The following SND1 variants were observed in gnomAD, a reference collection of about 807,000 sequenced individuals.
The protein encoded by SND1 is staphylococcal nuclease domain-containing protein 1.
Under a neutral mutation model 121.7 loss-of-function variants are expected in SND1, and 38 were observed. The ratio of observed to expected loss-of-function variants is 0.31; its 90% CI spans 0.24 to 0.41. The LOEUF (loss-of-function observed/expected upper bound fraction) is 0.41. Ranked by LOEUF, SND1 falls within the 10% of genes least tolerant of loss-of-function variation. SND1 has a pLI of 1.00. For missense variants in SND1, 868 were observed against 1,184.6 expected, an observed-to-expected ratio of 0.73 and a Z score of 3.92; for synonymous variants, 401 against 447.4, an observed-to-expected ratio of 0.90 and a Z score of 1.31.
At chr7:127,742,055 A>G (rs1796889876) in intron 10 of SND1, among the ~76,000 whole-genome samples, 1 of 152,210 alleles carries the variant, frequency 6.6e-6, no homozygotes, top group Non-Finnish European at 1.5e-5. Context: ...TCTTGCAGGG[A>G]CTTCAGAAAG....
chr7:128,091,242 CT>C (rs1190895110), intron 22 of SND1, among the ~76,000 whole-genome samples: 2 of 152,134 alleles, frequency 1.3e-5, no homozygotes, highest in African/African-American at 4.8e-5. Context: ...GGTTTGGTTT[CT>C]TTTGAGACCG....
At chr7:128,031,404 G>C (rs1336513584) in intron 16 of SND1, 1 of 151,674 alleles carries the variant, frequency 6.6e-6, no homozygotes, top group African/African-American at 2.4e-5. Flanking sequence ...TCCCGGCGTC[G>C]GCCGCTCCGG....
rs760202063 is a variant in SND1, at chr7:127,701,254, C to T, written c.520C>T (p.Arg174Trp). The change falls in exon 5 of 24, where the codon CGG becomes TGG. Residue 174 changes from arginine to tryptophan, a missense_variant. Transcript: ENST00000354725. Reference protein sequence around the residue: ...WSEGNGSHTIRDLKYTIENPR... With the variant: ...WSEGNGSHTIWDLKYTIENPR... ...TGAGGGGAACGGTTCACATACTATC[C>T]GGGATCTCAAGTATACCATTGAAAA... The T allele has an allele frequency of 4.3e-6, 7 of 1,614,002 alleles. No homozygotes were observed. Among genetic ancestry groups the T allele is most frequent in the Admixed American group, 1.7e-5 (1 of 60,008 alleles).
At chr7:127,879,349 C>T (rs549661466) in intron 12 of SND1, among the ~76,000 whole-genome samples, 261 of 152,208 alleles carry the variant, frequency 1.7e-3, no homozygotes, top group African/African-American at 6.0e-3. Context: ...TTGCTTTGGG[C>T]CTGTTCACCA....
intron 12 of SND1, among the ~76,000 whole-genome samples, chr7:127,886,290 A>G (rs1318609760): frequency 6.6e-6 from 1 of 151,128 alleles, no homozygotes; most frequent in Non-Finnish European, 1.5e-5. Context: ...CTACCAACAC[A>G]TTTATTTTTT....
chr7:127,922,198 T>TTTTTTTTTTTTTTTTTTTGTTTTTG (rs1800731864), intron 14 of SND1, among the ~76,000 whole-genome samples: 1 of 126,872 alleles, frequency 7.9e-6, no homozygotes, highest in African/African-American at 3.0e-5. Flanking sequence ...TTTTTTTTTT[T>TTTTTTTTTTTTTTTTTTTGTTTTTG]TTTTTGTTTT....
At chr7:127,832,718 C>T (rs775263179) in intron 11 of SND1, among the ~76,000 whole-genome samples, 7 of 152,170 alleles carry the variant, frequency 4.6e-5, no homozygotes, top group Admixed American at 1.3e-4. Context: ...TGCCTTAGAG[C>T]AAGGGTCCCC....
chr7:127,869,972 T>C (rs1011530448), intron 12 of SND1, among the ~76,000 whole-genome samples: 1 of 152,174 alleles, frequency 6.6e-6, no homozygotes, highest in African/African-American at 2.4e-5. Context: ...TCACTCCTTA[T>C]ATAGTTTGTT....
chr7:127,797,017 C>T (rs1169479542), intron 10 of SND1, among the ~76,000 whole-genome samples: 5 of 151,708 alleles, frequency 3.3e-5, no homozygotes, highest in African/African-American at 7.3e-5. Flanking sequence ...CTCAGCCTCC[C>T]GAGTAGCTGG....
intron 11 of SND1, among the ~76,000 whole-genome samples, chr7:127,811,240 A>G (rs1172542257): frequency 6.6e-6 from 1 of 152,200 alleles, no homozygotes; most frequent in Non-Finnish European, 1.5e-5. Context: ...TTGGGAAGTT[A>G]TGGGGCTATA....
At chr7:128,080,960 C>T (rs536751460) in intron 17 of SND1, among the ~76,000 whole-genome samples, 6 of 151,856 alleles carry the variant, frequency 4.0e-5, no homozygotes, top group Admixed American at 6.6e-5. Context: ...CGCCCAGGGC[C>T]GATCCCATTT....
Position 127,719,515 on chromosome 7 carries a change from A to G in SND1, c.1039-1772A>G, listed in dbSNP as rs1289515114. Among the ~76,000 whole-genome samples the G allele has an allele frequency of 3.9e-5, 6 of 152,042 alleles. No individual in the cohort carries two copies. In the East Asian group the frequency reaches 1.2e-3, roughly 29 times the overall value. On this transcript the variant is annotated intron_variant, in intron 9 of 23. Transcript: ENST00000354725. Reference sequence around the variant, plus strand: ...CTGCCTTTGATTACCATTAATCTTCATGTTTTTCTGGCAAGATGAATTTTG... The same window carrying G: ...CTGCCTTTGATTACCATTAATCTTCGTGTTTTTCTGGCAAGATGAATTTTG...
intron 10 of SND1, among the ~76,000 whole-genome samples, chr7:127,781,873 C>G (rs1797729830): frequency 6.6e-6 from 1 of 152,100 alleles, no homozygotes; most frequent in Non-Finnish European, 1.5e-5. Flanking sequence ...TCCCAGTAAT[C>G]GTTTCATAGA....
chr7:127,976,867 ATGGAGGCCG>A (rs1802132361), intron 15 of SND1, among the ~76,000 whole-genome samples: 1 of 152,188 alleles, frequency 6.6e-6, no homozygotes, highest in Non-Finnish European at 1.5e-5. Context: ...GAAAGCTGGA[ATGGAGGCCG>A]TGGAGGCAGG....
intron 13 of SND1, among the ~76,000 whole-genome samples, chr7:127,899,696 G>T (rs577454245): frequency 1.6e-3 from 244 of 152,290 alleles, no homozygotes; most frequent in Non-Finnish European, 2.7e-3. Context: ...TTATTGAGAA[G>T]TGATGTGGGA....
At chr7:127,845,471 G>A (rs565413326) in intron 12 of SND1, among the ~76,000 whole-genome samples, 18 of 152,340 alleles carry the variant, frequency 1.2e-4, no homozygotes, top group African/African-American at 3.6e-4. Flanking sequence ...CACAGGTTTT[G>A]TTAGAAGCAG....
intron 16 of SND1, among the ~76,000 whole-genome samples, chr7:128,068,124 C>T (rs1187465328): frequency 1.3e-5 from 2 of 152,130 alleles, no homozygotes; most frequent in African/African-American, 4.8e-5. Context: ...CTGCAGGCTC[C>T]AGGCGAGTTA....
Position 127,904,646 on chromosome 7 carries a change from C to T in SND1, c.1455-101C>T, listed in dbSNP as rs564824532. 172 of 721,716 alleles carry T rather than the reference C, an allele frequency of 2.4e-4. No homozygotes were observed. In the South Asian group the frequency reaches 2.6e-3, roughly 11 times the overall value. 44.7% of individuals were successfully genotyped at this position (721,716 alleles called of 1,614,324 possible). A position where few individuals can be genotyped will look rare whatever the true frequency, so the allele number is the denominator to read the frequency against. On this transcript the variant is annotated intron_variant, in intron 13 of 23. Transcript: ENST00000354725. ...AGTGTGACTTGTGTAGTCATACATCCCCACTTTAACAACCCTCGCTTCTCT... is the reference window on the plus strand; with the variant it reads ...AGTGTGACTTGTGTAGTCATACATCTCCACTTTAACAACCCTCGCTTCTCT...
At chr7:127,790,522 G>A (rs1028405067) in intron 10 of SND1, among the ~76,000 whole-genome samples, 1 of 152,144 alleles carries the variant, frequency 6.6e-6, no homozygotes, top group Non-Finnish European at 1.5e-5. Flanking sequence ...CATTTTTAGT[G>A]GTGTGGCCAA....
Sources: allele counts gnomAD v4.1 joint callset (sites outside exome capture counted in the v4.1 genomes callset), GRCh38; gene constraint gnomAD v4.1.1; transcripts MANE v1.5; gene names NCBI Gene and HGNC (gene_info 2026-07-23, HGNC 2026-07-21).